The following GPC4 variants were observed in gnomAD, a reference collection of about 807,000 sequenced individuals.
The protein encoded by GPC4 is glypican-4.
GPC4 carries 10 observed loss-of-function variants against 35.0 expected under a neutral mutation model. The ratio of observed to expected loss-of-function variants is 0.29; its 90% confidence interval spans 0.18 to 0.48. The LOEUF (loss-of-function observed/expected upper bound fraction) is 0.48. GPC4 is among the 20% of genes least tolerant of loss of function. GPC4 has a pLI of 0.99. For missense variants in GPC4, 322 were observed against 451.3 expected (o/e 0.71, Z 2.60); for synonymous variants, 167 against 170.2 (o/e 0.98, Z 0.15).
intron 4 of GPC4, among the ~76,000 whole-genome samples, chrX:133,310,720 A>G (rs1277071173): frequency 8.9e-6 from 1 of 112,145 alleles, no homozygotes; most frequent in Non-Finnish European, 1.9e-5. Context: ...TTGCAGTGTA[A>G]TAGATATAAC....
intron 1 of GPC4, among the ~76,000 whole-genome samples, chrX:133,392,757 C>T (rs1487856210): frequency 3.6e-5 from 4 of 110,562 alleles, no homozygotes; most frequent in Non-Finnish European, 5.7e-5. Context: ...TCTCCTTCCG[C>T]TTATATAGCC....
chrX:133,358,596 C>T (rs1460339117), intron 1 of GPC4, among the ~76,000 whole-genome samples: 1 of 111,886 alleles, frequency 8.9e-6, no homozygotes, highest in African/African-American at 3.2e-5. Flanking sequence ...AACAAACAAA[C>T]AAAAATTCCA....
At position 133,341,820 on chromosome X, in the gene GPC4, C is replaced by T. The variant is rs374202137; in HGVS notation, c.161-2479G>A. On this transcript the variant is annotated intron_variant, in intron 1 of 8. Coordinates refer to ENST00000370828, the MANE Select transcript of GPC4 (RefSeq NM_001448.3). ...TAAACTCACCCACAGGGAATTTATA[C>T]TAAGGATACACCCTTCAAAAACGGG... Among the ~76,000 whole-genome samples, 45 of 110,318 alleles carry T rather than the reference C, an allele frequency of 4.1e-4. 1 individual carries two copies. The South Asian group carries it at 0.017, about 42-fold the overall frequency.
At chrX:133,348,298 T>G (rs2068502200) in intron 1 of GPC4, among the ~76,000 whole-genome samples, 2 of 112,501 alleles carry the variant, frequency 1.8e-5, no homozygotes, top group African/African-American at 6.5e-5. Context: ...AATGCACACT[T>G]TGACCTTGTG....
intron 1 of GPC4, among the ~76,000 whole-genome samples, chrX:133,356,053 A>C (rs2068540195): frequency 9.0e-6 from 1 of 111,473 alleles, no homozygotes; most frequent in African/African-American, 3.3e-5. Flanking sequence ...TGATGCAAAA[A>C]TGGCGTAACA....
chrX:133,378,696 T>C (rs778312454), intron 1 of GPC4, among the ~76,000 whole-genome samples: 146 of 111,800 alleles, frequency 1.3e-3, no homozygotes, highest in African/African-American at 4.3e-3. Context: ...TTTCAAAGAA[T>C]TGGAATCATA....
At chrX:133,360,925 T>C (rs2068564636) in intron 1 of GPC4, among the ~76,000 whole-genome samples, 3 of 112,156 alleles carry the variant, frequency 2.7e-5, no homozygotes. Context: ...GATTACGGTT[T>C]TTATCCTTCT....
intron 1 of GPC4, among the ~76,000 whole-genome samples, chrX:133,353,392 A>G (rs1344153769): frequency 8.9e-6 from 1 of 112,151 alleles, no homozygotes; most frequent in Non-Finnish European, 1.9e-5. Context: ...CACTTCAGAA[A>G]TCTGGCCCAC....
At chrX:133,309,875 G>A (rs1461850809) in intron 4 of GPC4, among the ~76,000 whole-genome samples, 1 of 111,947 alleles carries the variant, frequency 8.9e-6, no homozygotes, top group Non-Finnish European at 1.9e-5. Context: ...TTTCTCCCAT[G>A]GCTTCATTCT....
At chrX:133,372,817 T>C (rs2068618826) in intron 1 of GPC4, among the ~76,000 whole-genome samples, 1 of 112,336 alleles carries the variant, frequency 8.9e-6, no homozygotes, top group Non-Finnish European at 1.9e-5. Context: ...TTGGACAGCA[T>C]GAAAGCCAAA....
chrX:133,412,817 G>A (rs1479625460), intron 1 of GPC4, among the ~76,000 whole-genome samples: 1 of 111,887 alleles, frequency 8.9e-6, no homozygotes, highest in Non-Finnish European at 1.9e-5. Context: ...TGCTGGCTGG[G>A]GAAGATGCCC....
intron 1 of GPC4, among the ~76,000 whole-genome samples, chrX:133,347,580 A>G (rs889548851): frequency 7.2e-5 from 8 of 111,121 alleles, no homozygotes; most frequent in African/African-American, 2.3e-4. Flanking sequence ...GTGAACTAAA[A>G]TGCAGGTTGC....
chrX:133,414,970 C>T lies in GPC4; in HGVS notation c.-5G>A. On this transcript the variant is annotated 5_prime_UTR_variant, in exon 1 of 9. Coordinates refer to ENST00000370828, the MANE Select transcript of GPC4 (RefSeq NM_001448.3). ...GGGCAAGCCGAACCGTGCCATGGTG[C>T]GGGCCGGGGCGGACGCGTTCCCACC... The T allele has an allele frequency of 8.3e-7, 1 of 1,205,055 alleles. No individual in the cohort carries two copies.
chrX:133,317,484 A>G (rs1392733324), intron 3 of GPC4, among the ~76,000 whole-genome samples: 3 of 104,997 alleles, frequency 2.9e-5, no homozygotes, highest in African/African-American at 6.8e-5. Context: ...AAGCAGCCTG[A>G]AAAAAAAAAT....
chrX:133,305,929 G>A lies in GPC4; in HGVS notation c.1009-11C>T, dbSNP rs1438855711. The A allele has an allele frequency of 2.5e-6, 3 of 1,209,066 alleles. No homozygotes were observed. Among genetic ancestry groups the A allele is most frequent in the African/African-American group, 3.5e-5 (2 of 56,957 alleles). The stretch of plus-strand genomic sequence containing the variant: ...ACATCCCTGGAAAACCTGCATTAGA[G>A]TAAGTGTCGTCATGTTAGGGAAGTC... On this transcript the variant is annotated splice_polypyrimidine_tract_variant and intron_variant, in intron 5 of 8. Coordinates refer to ENST00000370828, the MANE Select transcript of GPC4 (RefSeq NM_001448.3).
intron 1 of GPC4, among the ~76,000 whole-genome samples, chrX:133,410,852 G>A (rs2068809712): frequency 8.9e-6 from 1 of 112,330 alleles, no homozygotes; most frequent in Admixed American, 9.5e-5. Context: ...GATACCTCCT[G>A]TAAACTACTT....
At chrX:133,344,191 G>GTTTTTTTTT (rs747976050) in intron 1 of GPC4, among the ~76,000 whole-genome samples, 3 of 38,887 alleles carry the variant, frequency 7.7e-5, no homozygotes, top group African/African-American at 7.7e-5. Flanking sequence ...TTTCTTTCTG[G>GTTTTTTTTT]TTTTTTTTTT....
At chrX:133,348,592 C>T (rs147834473) in intron 1 of GPC4, among the ~76,000 whole-genome samples, 3,689 of 112,201 alleles carry the variant, frequency 0.033, 171 homozygotes, top group African/African-American at 0.11. Flanking sequence ...AATTCAGGTG[C>T]ACATATCTTG....
intron 4 of GPC4, among the ~76,000 whole-genome samples, chrX:133,306,839 A>G (rs1392671079): frequency 8.9e-6 from 1 of 112,222 alleles, no homozygotes; most frequent in African/African-American, 3.2e-5. Context: ...CACAAGATAC[A>G]GTACACAAAA....
Sources: allele counts gnomAD v4.1 joint callset (sites outside exome capture counted in the v4.1 genomes callset), GRCh38; gene constraint gnomAD v4.1.1; transcripts MANE v1.5; gene names NCBI Gene and HGNC (gene_info 2026-07-23, HGNC 2026-07-21).